TTC6: variants seen among roughly 807,000 people sequenced by gnomAD.
TTC6 encodes tetratricopeptide repeat protein 6.
Under a neutral mutation model 210.4 loss-of-function variants are expected in TTC6, and 172 were observed. The ratio of observed to expected loss-of-function variants is 0.82; its 90% CI spans 0.72 to 0.93. The LOEUF is 0.93. Among genes scored for constraint, TTC6 ranks in the 40% least tolerant of loss-of-function variants. TTC6 has a pLI of 0.00. For missense variants in TTC6, 2,414 were observed against 2,318.1 expected (o/e 1.04, Z -0.85); for synonymous variants, 804 against 819.6 (o/e 0.98, Z 0.32).
At chr14:37,774,490 T>C (rs2096031001) in intron 14 of TTC6, among the ~76,000 whole-genome samples, 1 of 152,174 alleles carries the variant, frequency 6.6e-6, no homozygotes, top group African/African-American at 2.4e-5. Context: ...TCTATTGAGT[T>C]AATCATCTGG....
chr14:37,790,871 T>C (rs1186024297), intron 16 of TTC6, 34 bp downstream of exon 18: 1 of 1,500,592 alleles, frequency 6.7e-7, no homozygotes, highest in Non-Finnish European at 8.8e-7. Flanking sequence ...TTGATTTCAG[T>C]TTTGTAAAAA....
rs1182545683 is a variant in TTC6 at position 37,667,006 on chromosome 14, TTTA to T, written c.940-13142_940-13140del. On this transcript the variant is annotated intron_variant, in intron 1 of 30. Coordinates refer to ENST00000553443, the Ensembl canonical transcript of TTC6. ...ACTATATCTATTTTTCTTCTGATTT[TTTA>T]TTTTTATTTCTTTAACTCATTCTCT... Among the ~76,000 whole-genome samples the T allele has an allele frequency of 1.3e-5, 2 of 150,742 alleles. 1 individual carries two copies. The highest frequency in any genetic ancestry group is 3.0e-5 in the Non-Finnish European group (2 of 67,186).
chr14:37,766,543 G>C (rs1485525654), intron 14 of TTC6, among the ~76,000 whole-genome samples: 2 of 152,108 alleles, frequency 1.3e-5, no homozygotes, highest in Non-Finnish European at 2.9e-5. Context: ...ACATGATCTT[G>C]TTCATTTTTA....
chr14:37,718,434 G>A (rs1159008085), intron 6 of TTC6, among the ~76,000 whole-genome samples: 2 of 152,122 alleles, frequency 1.3e-5, no homozygotes, highest in African/African-American at 2.4e-5. Context: ...TTGATAAAGA[G>A]CAGCTGCAAA....
At chr14:37,622,346 C>G (rs1489138894) in exon 1 of TTC6, 1 of 1,531,686 alleles carries the variant, frequency 6.5e-7, no homozygotes, top group Non-Finnish European at 8.7e-7. Flanking sequence ...AGGAGGTGCT[C>G]GGAGGCGCGC....
At chr14:37,686,247 G>A (rs1218066521) in intron 3 of TTC6, among the ~76,000 whole-genome samples, 1 of 152,120 alleles carries the variant, frequency 6.6e-6, no homozygotes, top group Non-Finnish European at 1.5e-5. Flanking sequence ...TATTGTTTTT[G>A]TGAGGATTAT....
At chr14:37,800,640 G>C (rs1046461573) in intron 20 of TTC6, among the ~76,000 whole-genome samples, 1 of 152,188 alleles carries the variant, frequency 6.6e-6, no homozygotes, top group African/African-American at 2.4e-5. Context: ...AACCAAACCA[G>C]AGGATCTCCA....
At chr14:37,824,086 G>T (rs901876662) in intron 27 of TTC6, 129 bp downstream of exon 29, 1 of 904,480 alleles carries the variant, frequency 1.1e-6, no homozygotes, top group Non-Finnish European at 1.7e-6. Context: ...TTACTTTTAG[G>T]TTCCAGAGTA....
At chr14:37,784,062 A>G (rs931979710) in intron 14 of TTC6, among the ~76,000 whole-genome samples, 22 of 152,310 alleles carry the variant, frequency 1.4e-4, no homozygotes, top group African/African-American at 3.1e-4. Context: ...TGTGTGGTCA[A>G]TTTTGGAATA....
intron 29 of TTC6, 91 bp downstream of exon 31, chr14:37,827,457 G>T (rs1356585503): frequency 1.7e-6 from 2 of 1,195,370 alleles, no homozygotes; most frequent in Non-Finnish European, 2.3e-6. Flanking sequence ...ACAATCTCAG[G>T]CTAATAATGC....
At chr14:37,663,276 T>C (rs943146922) in intron 1 of TTC6, among the ~76,000 whole-genome samples, 1 of 152,204 alleles carries the variant, frequency 6.6e-6, no homozygotes, top group African/African-American at 2.4e-5. Context: ...TTGCTGAAGT[T>C]GTCAGCTGAA....
At chr14:37,836,041 A>T (rs1232000070) in intron 29 of TTC6, among the ~76,000 whole-genome samples, 1 of 152,132 alleles carries the variant, frequency 6.6e-6, no homozygotes, top group Non-Finnish European at 1.5e-5. Context: ...CATATTTAAG[A>T]GTTGCTAAAA....
At chr14:37,840,869 ATT>A (rs71127249) in intron 29 of TTC6, among the ~76,000 whole-genome samples, 113,259 of 137,514 alleles carry the variant, frequency 0.82, 48,105 homozygotes, top group Non-Finnish European at 0.93. Flanking sequence ...CAGTGGGAGG[ATT>A]TTTTTTTTTT....
At chr14:37,602,438 CGT>C (rs980337682) in intron 1 of TTC6, among the ~76,000 whole-genome samples, 17 of 152,332 alleles carry the variant, frequency 1.1e-4, no homozygotes, top group African/African-American at 4.1e-4. Context: ...GGAGACCTCT[CGT>C]GTCATTTTTT....
intron 18 of TTC6, 28 bp from the exon 21 acceptor site, chr14:37,796,266 T>C: frequency 9.8e-7 from 1 of 1,023,038 alleles, no homozygotes; most frequent in Non-Finnish European, 1.4e-6. Flanking sequence ...TTTAGCTGCT[T>C]AGAATCAAAA....
intron 6 of TTC6, among the ~76,000 whole-genome samples, chr14:37,716,024 G>A (rs201059842): frequency 1.7e-5 from 1 of 58,238 alleles, no homozygotes; most frequent in Non-Finnish European, 4.6e-5. Flanking sequence ...GGTTGTAACA[G>A]AATATAGAGG....
At chr14:37,746,057 A>G (rs1383397543) in intron 10 of TTC6, among the ~76,000 whole-genome samples, 1 of 152,222 alleles carries the variant, frequency 6.6e-6, no homozygotes, top group Non-Finnish European at 1.5e-5. Context: ...AGTTACTGCC[A>G]CGAATCCTTG....
At chr14:37,841,568 G>A in exon 30 of TTC6, 5 of 1,607,784 alleles carry the variant, frequency 3.1e-6, no homozygotes, top group Non-Finnish European at 4.2e-6. Flanking sequence ...TTTTGCAAAT[G>A]TAATTGAAAG....
chr14:37,683,935 C>A (rs538487357), intron 3 of TTC6, among the ~76,000 whole-genome samples: 2 of 152,042 alleles, frequency 1.3e-5, no homozygotes, highest in African/African-American at 4.8e-5. Context: ...ACCAGAAATC[C>A]TCTCCCACAC....
Sources: allele counts gnomAD v4.1 joint callset (sites outside exome capture counted in the v4.1 genomes callset), GRCh38; gene constraint gnomAD v4.1.1; transcripts MANE v1.5; gene names NCBI Gene and HGNC (gene_info 2026-07-23, HGNC 2026-07-21).